The following KCNN2 variants were observed in gnomAD, a reference collection of about 807,000 sequenced individuals.
KCNN2 encodes the protein potassium calcium-activated channel subfamily N member 2, also known as small conductance calcium-activated potassium channel protein 2.
A neutral mutation model predicts 55.5 loss-of-function variants in KCNN2; 24 were observed. That is an observed-to-expected ratio of 0.43 (90% CI 0.31 to 0.61). The LOEUF is 0.61. KCNN2 is among the 20% of genes least tolerant of loss of function. The pLI, the probability that KCNN2 is intolerant of heterozygous loss-of-function variation, is 0.08. For synonymous variants in KCNN2, 431 were observed against 336.1 expected, an observed-to-expected ratio of 1.28 and a Z score of -3.09; for missense variants, 754 against 853.6, an observed-to-expected ratio of 0.88 and a Z score of 1.45.
intron 2 of KCNN2, among the ~76,000 whole-genome samples, chr5:114,391,586 C>A (rs1411827824): frequency 6.6e-6 from 1 of 152,234 alleles, no homozygotes; most frequent in Admixed American, 6.5e-5. Flanking sequence ...AAAAGCCACC[C>A]ACCCCAGAAA....
At chr5:114,250,895 C>A (rs539654001) in intron 2 of KCNN2, among the ~76,000 whole-genome samples, 1 of 152,324 alleles carries the variant, frequency 6.6e-6, no homozygotes, top group South Asian at 2.1e-4. Context: ...ATTGTGCCTC[C>A]ATAACCAGCA....
intron 1 of KCNN2, among the ~76,000 whole-genome samples, chr5:114,086,653 G>A (rs987674659): frequency 6.6e-6 from 1 of 152,096 alleles, no homozygotes; most frequent in Admixed American, 6.6e-5. Context: ...CGATGTGTAA[G>A]AACCACATTT....
intron 1 of KCNN2, among the ~76,000 whole-genome samples, chr5:114,142,085 A>T (rs569686202): frequency 3.0e-4 from 46 of 152,208 alleles, no homozygotes; most frequent in African/African-American, 9.9e-4. Flanking sequence ...GTATGTTGCC[A>T]GTTCACTCTG....
At chr5:114,439,147 G>A (rs1312270687) in intron 3 of KCNN2, among the ~76,000 whole-genome samples, 3 of 152,110 alleles carry the variant, frequency 2.0e-5, no homozygotes, top group African/African-American at 2.4e-5. Context: ...ACAAATGGAC[G>A]CCCATAGCTA....
At position 114,335,577 on chromosome 5, in the gene KCNN2, C is replaced by T. The variant is rs142145583; in HGVS notation, c.-184-25368C>T. Among the ~76,000 whole-genome samples the T allele has an allele frequency of 2.1e-3, 322 of 152,190 alleles. 13 individuals carry two copies. The East Asian group carries it at 0.058, about 27-fold the overall frequency. ...GTCATCCATTGGGTGGTACATACTC[C>T]ACATACCATCATCTGACTCAGCAAT... On this transcript the variant is annotated intron_variant, in intron 2 of 10. Coordinates refer to the KCNN2 transcript ENST00000512097.
chr5:114,294,180 GTC>G (rs981319700), intron 2 of KCNN2, among the ~76,000 whole-genome samples: 355 of 152,088 alleles, frequency 2.3e-3, no homozygotes, highest in African/African-American at 8.2e-3. Context: ...GGTTTTTTGT[GTC>G]TCTATTTCCT....
chr5:114,243,276 CAT>C (rs1754680412), intron 2 of KCNN2, among the ~76,000 whole-genome samples: 1 of 152,188 alleles, frequency 6.6e-6, no homozygotes, highest in South Asian at 2.1e-4. Flanking sequence ...GCAACTCACA[CAT>C]ATGTTTACGG....
chr5:114,425,404 CAAAATAT>C (rs1759590867), intron 3 of KCNN2, among the ~76,000 whole-genome samples: 1 of 152,296 alleles, frequency 6.6e-6, no homozygotes, highest in African/African-American at 2.4e-5. Context: ...TACTACTTTA[CAAAATAT>C]TTACACCCCT....
At chr5:114,245,246 A>G (rs2112620422) in intron 2 of KCNN2, among the ~76,000 whole-genome samples, 1 of 152,340 alleles carries the variant, frequency 6.6e-6, no homozygotes, top group South Asian at 2.1e-4. Context: ...CTGCAGTTGT[A>G]TTCGTATGTG....
intron 2 of KCNN2, among the ~76,000 whole-genome samples, chr5:114,232,656 A>G (rs914357764): frequency 6.6e-6 from 1 of 151,100 alleles, no homozygotes; most frequent in Non-Finnish European, 1.5e-5. Context: ...CTTTTAAATA[A>G]ATAATCCCCA....
intron 2 of KCNN2, among the ~76,000 whole-genome samples, chr5:114,347,005 T>C (rs1217631078): frequency 6.6e-6 from 1 of 152,168 alleles, no homozygotes; most frequent in Non-Finnish European, 1.5e-5. Context: ...TTATCACTCA[T>C]AGAATAAAAC....
chr5:114,152,831 C>T (rs1258074264), intron 1 of KCNN2, among the ~76,000 whole-genome samples: 3 of 151,910 alleles, frequency 2.0e-5, no homozygotes, highest in Non-Finnish European at 2.9e-5. Context: ...ATATGGTGGG[C>T]GGGAGCATGG....
intron 1 of KCNN2, among the ~76,000 whole-genome samples, chr5:114,130,213 A>T (rs1026544243): frequency 6.6e-6 from 1 of 152,168 alleles, no homozygotes; most frequent in Non-Finnish European, 1.5e-5. Context: ...TCTTTTACAG[A>T]GTAGTTCTAT....
At chr5:114,435,333 G>A (rs993829285) in intron 3 of KCNN2, among the ~76,000 whole-genome samples, 3 of 152,072 alleles carry the variant, frequency 2.0e-5, no homozygotes, top group Admixed American at 1.3e-4. Flanking sequence ...TGAGGGTGGT[G>A]GTTTGTCTTG....
intron 2 of KCNN2, among the ~76,000 whole-genome samples, chr5:114,297,000 G>A (rs921320916): frequency 2.0e-5 from 3 of 152,062 alleles, no homozygotes; most frequent in African/African-American, 7.2e-5. Context: ...TACTTGCTTG[G>A]TATTGTATTG....
At chr5:114,131,255 T>C (rs1212204585) in intron 1 of KCNN2, among the ~76,000 whole-genome samples, 1 of 152,096 alleles carries the variant, frequency 6.6e-6, no homozygotes, top group Non-Finnish European at 1.5e-5. Context: ...CTGCAAGCAT[T>C]AGCTGGTTTT....
At chr5:114,066,109 C>G (rs1750443761) in intron 1 of KCNN2, among the ~76,000 whole-genome samples, 1 of 152,012 alleles carries the variant, frequency 6.6e-6, no homozygotes, top group Non-Finnish European at 1.5e-5. Context: ...AAGTTGTTTG[C>G]ATTGGTTTCT....
chr5:114,105,612 T>A (rs1213951317), intron 1 of KCNN2, among the ~76,000 whole-genome samples: 1 of 152,110 alleles, frequency 6.6e-6, no homozygotes, highest in Non-Finnish European at 1.5e-5. Context: ...TCTTATAATT[T>A]TATTTTGAAA....
intron 2 of KCNN2, among the ~76,000 whole-genome samples, chr5:114,229,710 A>T (rs938383258): frequency 4.0e-5 from 6 of 151,206 alleles, no homozygotes; most frequent in Non-Finnish European, 8.8e-5. Flanking sequence ...AGGAAACCTT[A>T]TTTTGTTCAG....
Sources: gnomAD v4.1 joint callset for allele counts (sites outside exome capture counted in the v4.1 genomes callset) on GRCh38, gnomAD v4.1.1 for gene constraint, MANE v1.5 for transcripts, NCBI Gene and HGNC (gene_info 2026-07-23, HGNC 2026-07-21) for gene names.